Variants in TCF12 observed in about 807,000 individuals in gnomAD.
TCF12 encodes transcription factor 12, also known as DNA-binding protein HTF4.
A neutral mutation model predicts 86.0 loss-of-function variants in TCF12; 45 were observed. The observed-to-expected ratio is 0.52, with a 90% CI of 0.41 to 0.67. TCF12 has a LOEUF of 0.67. Ranked by LOEUF, TCF12 falls within the 30% of genes least tolerant of loss-of-function variation. The pLI is 0.00. For missense variants in TCF12, 881 were observed against 859.9 expected (o/e 1.02, Z -0.31); for synonymous variants, 330 against 299.6 (o/e 1.10, Z -1.05).
At chr15:56,990,983 A>T (rs1320829951) in intron 3 of TCF12, among the ~76,000 whole-genome samples, 1 of 151,702 alleles carries the variant, frequency 6.6e-6, no homozygotes, top group Non-Finnish European at 1.5e-5. Context: ...TTTTGTAGAG[A>T]TGGGGTCTCA....
At chr15:57,051,896 A>G (rs903381618) in intron 3 of TCF12, among the ~76,000 whole-genome samples, 22 of 152,194 alleles carry the variant, frequency 1.4e-4, no homozygotes, top group Admixed American at 1.0e-3. Context: ...TTTAGAGACT[A>G]TCCTTTCCCT....
chr15:57,150,579 T>C (rs956289475), intron 5 of TCF12, among the ~76,000 whole-genome samples: 3 of 152,042 alleles, frequency 2.0e-5, no homozygotes, highest in African/African-American at 2.4e-5. Flanking sequence ...CCCAAAAATA[T>C]AAACATTTTA....
chr15:56,951,706 A>G (rs1033698533), intron 3 of TCF12, among the ~76,000 whole-genome samples: 3 of 152,110 alleles, frequency 2.0e-5, no homozygotes, highest in East Asian at 3.8e-4. Flanking sequence ...CTGGAGTGCA[A>G]TGGCATGATC....
At chr15:57,040,215 C>T (rs2066804351) in intron 3 of TCF12, among the ~76,000 whole-genome samples, 1 of 152,142 alleles carries the variant, frequency 6.6e-6, no homozygotes, top group Non-Finnish European at 1.5e-5. Flanking sequence ...CTTAATGCAA[C>T]AAAAGAGCAA....
intron 8 of TCF12, among the ~76,000 whole-genome samples, chr15:57,204,965 A>G (rs1164935016): frequency 1.3e-5 from 2 of 152,192 alleles, no homozygotes; most frequent in African/African-American, 2.4e-5. Flanking sequence ...CTCTGTGAGT[A>G]GAGTCGTATG....
chr15:57,252,927 C>CTTTTTTT (rs57946842), intron 15 of TCF12, among the ~76,000 whole-genome samples: 2 of 89,774 alleles, frequency 2.2e-5, no homozygotes, highest in African/African-American at 7.8e-5. Flanking sequence ...ATAGGTTGTA[C>CTTTTTTT]TTTTTTTTTT....
chr15:57,027,954 A>C (rs2141315658), intron 3 of TCF12, among the ~76,000 whole-genome samples: 1 of 151,750 alleles, frequency 6.6e-6, no homozygotes, highest in South Asian at 2.1e-4. Flanking sequence ...TGAGTCCATT[A>C]AACCTATGTT....
intron 3 of TCF12, among the ~76,000 whole-genome samples, chr15:56,930,638 G>A (rs1311345945): frequency 6.6e-6 from 1 of 152,130 alleles, no homozygotes; most frequent in Non-Finnish European, 1.5e-5. Context: ...CAATTAGGTA[G>A]ATAATTAGAG....
At position 56,991,464 on chromosome 15, in the gene TCF12, A is replaced by C. The variant is rs368939310; in HGVS notation, c.148+70366A>C. 1.4e-4 allele frequency among the ~76,000 whole-genome samples: 22 copies of C among 152,192 alleles called. 1 individual carries two copies. Among genetic ancestry groups the C allele is most frequent in the East Asian group, 1.3e-3 (7 of 5,194 alleles). On this transcript the variant is annotated intron_variant, in intron 3 of 20. Transcript: ENST00000333725. ...CTTCCATATAATTCTAATTTCTACA[A>C]TATAAGGTTTTAATTTACTCAGTTC...
At chr15:57,108,319 C>G (rs1366778656) in intron 5 of TCF12, among the ~76,000 whole-genome samples, 2 of 152,066 alleles carry the variant, frequency 1.3e-5, no homozygotes, top group African/African-American at 4.8e-5. Context: ...TATCACCTTT[C>G]TTCTCCCCGT....
intron 3 of TCF12, among the ~76,000 whole-genome samples, chr15:57,020,903 TATC>T (rs2141249889): frequency 6.6e-6 from 1 of 152,320 alleles, no homozygotes; most frequent in South Asian, 2.1e-4. Context: ...AGGGGAACTA[TATC>T]ATATTTGAAA....
At chr15:56,939,516 A>T (rs1256311931) in intron 3 of TCF12, among the ~76,000 whole-genome samples, 1 of 152,154 alleles carries the variant, frequency 6.6e-6, no homozygotes, top group Non-Finnish European at 1.5e-5. Flanking sequence ...GAATACTGTC[A>T]TTTGGATTTT....
Position 57,036,776 on chromosome 15 carries a change from G to A in TCF12, c.149-26974G>A, listed in dbSNP as rs189367834. Among the ~76,000 whole-genome samples, 541 of 151,948 alleles carry A rather than the reference G, an allele frequency of 3.6e-3. 5 individuals carry two copies. Among genetic ancestry groups the A allele is most frequent in the African/African-American group, 0.012 (515 of 41,438 alleles). On this transcript the variant is annotated intron_variant, in intron 3 of 20. Coordinates refer to ENST00000333725, the MANE Select transcript of TCF12 (RefSeq NM_207037.2). ...TTATGTAATTCTGTAGATTCTTTTAGGTTTCTTTTCATTTTCATGATGTCC... is the reference window on the plus strand; with the variant it reads ...TTATGTAATTCTGTAGATTCTTTTAAGTTTCTTTTCATTTTCATGATGTCC...
At chr15:57,099,451 A>G (rs1431141619) in intron 5 of TCF12, among the ~76,000 whole-genome samples, 5 of 152,132 alleles carry the variant, frequency 3.3e-5, no homozygotes, top group African/African-American at 9.7e-5. Flanking sequence ...TTTCATTTGA[A>G]TTTTAAAAAA....
At chr15:57,249,257 T>G (rs1280599115) in intron 13 of TCF12, among the ~76,000 whole-genome samples, 2 of 152,204 alleles carry the variant, frequency 1.3e-5, no homozygotes, top group Non-Finnish European at 2.9e-5. Flanking sequence ...GGTTGATTAA[T>G]TCTGCCTTTT....
intron 16 of TCF12, among the ~76,000 whole-genome samples, chr15:57,253,758 T>C (rs1298416171): frequency 6.6e-6 from 1 of 152,234 alleles, no homozygotes; most frequent in Non-Finnish European, 1.5e-5. Flanking sequence ...CTTGAAATAG[T>C]GCATAAGAAA....
intron 5 of TCF12, among the ~76,000 whole-genome samples, chr15:57,133,949 G>A (rs1230664917): frequency 1.3e-5 from 2 of 152,178 alleles, no homozygotes; most frequent in Non-Finnish European, 2.9e-5. Context: ...GCCACTTGAA[G>A]TGATTTGCAA....
chr15:56,918,403 C>T (rs1208708076), upstream of TCF12: 3 of 367,866 alleles, frequency 8.2e-6, no homozygotes, highest in African/African-American at 4.3e-5. Flanking sequence ...GCTTCGTCGG[C>T]GAGCGGTCGG....
chr15:57,180,368 T>G (rs1469491755), intron 6 of TCF12, among the ~76,000 whole-genome samples: 2 of 152,164 alleles, frequency 1.3e-5, no homozygotes, highest in Non-Finnish European at 2.9e-5. Flanking sequence ...GAACAACAAC[T>G]GCAAATATGG....
Sources: allele counts gnomAD v4.1 joint callset (sites outside exome capture counted in the v4.1 genomes callset), GRCh38; gene constraint gnomAD v4.1.1; transcripts MANE v1.5; gene names NCBI Gene and HGNC (gene_info 2026-07-23, HGNC 2026-07-21).